DNASE1: variants seen among roughly 807,000 people sequenced by gnomAD.
The protein encoded by DNASE1 is deoxyribonuclease 1.
Under a neutral mutation model 33.9 loss-of-function variants are expected in DNASE1, and 40 were observed. The ratio of observed to expected loss-of-function variants is 1.18; its 90% CI spans 0.92 to 1.54. The LOEUF (loss-of-function observed/expected upper bound fraction) is 1.54. Among genes scored for constraint, DNASE1 ranks in the 40% most tolerant of loss-of-function variants. The pLI is 0.00. For missense variants in DNASE1, 518 were observed against 372.6 expected (o/e 1.39, Z -3.21); for synonymous variants, 216 against 160.0 (o/e 1.35, Z -2.64).
At chr16:3,638,338 T>A (rs1479646288), upstream of DNASE1, among the ~76,000 whole-genome samples, 1 of 152,146 alleles carries the variant, frequency 6.6e-6, no homozygotes, top group Non-Finnish European at 1.5e-5. Flanking sequence ...TTATTTTGTT[T>A]GGGTTTTTCT....
chr16:3,643,635 C>G (rs1240187982), intron 1 of DNASE1, among the ~76,000 whole-genome samples: 1 of 152,184 alleles, frequency 6.6e-6, no homozygotes, highest in African/African-American at 2.4e-5. Context: ...TTGAAGGCAA[C>G]CAGGTACACT....
upstream of DNASE1, chr16:3,653,826 A>AAAAAAAAAAAAAAAAAAAAAC (rs2042428667): frequency 2.8e-5 from 4 of 145,008 alleles, no homozygotes; most frequent in African/African-American, 7.9e-5. Context: ...AAAAAAAAAA[A>AAAAAAAAAAAAAAAAAAAAAC]AAAAAAAAAA....
exon 1 of DNASE1, chr16:3,611,795 T>C (rs1015488187): frequency 2.0e-5 from 3 of 152,090 alleles, no homozygotes; most frequent in African/African-American, 7.2e-5. Flanking sequence ...GTGGAGTCTG[T>C]TAGTTTTTGA....
chr16:3,656,978 A>T (rs1366332149), intron 5 of DNASE1, 21 bp from the exon 6 acceptor site: 1 of 1,611,374 alleles, frequency 6.2e-7, no homozygotes, highest in South Asian at 1.1e-5. Context: ...TGTGCCTCAC[A>T]CGACGTGGCT....
chr16:3,634,257 T>C (rs1348254768), intron 1 of DNASE1, among the ~76,000 whole-genome samples: 1 of 146,168 alleles, frequency 6.8e-6, no homozygotes, highest in East Asian at 2.1e-4. Context: ...GAGACAGAGT[T>C]TCGCTCTGTC....
At chr16:3,659,748 TTTAGATAGATAG>T (rs1567217519), downstream of DNASE1, 2 of 111,290 alleles carry the variant, frequency 1.8e-5, no homozygotes, top group African/African-American at 1.1e-4. Flanking sequence ...CACTTTTTTT[TTTAGATAGATAG>T]ATAGATAGAT....
upstream of DNASE1, among the ~76,000 whole-genome samples, chr16:3,639,266 T>C (rs148763260): frequency 1.3e-5 from 2 of 152,360 alleles, no homozygotes; most frequent in Non-Finnish European, 2.9e-5. Flanking sequence ...CTTGGTTCTT[T>C]GTGCTTTGCT....
intron 1 of DNASE1, among the ~76,000 whole-genome samples, chr16:3,637,575 C>G (rs1018573646): frequency 6.6e-6 from 1 of 152,178 alleles, no homozygotes; most frequent in African/African-American, 2.4e-5. Flanking sequence ...GTTGGGTCAA[C>G]CTTTCCCTTA....
chr16:3,648,103 A>G (rs998702835), intron 1 of DNASE1, among the ~76,000 whole-genome samples: 1 of 152,092 alleles, frequency 6.6e-6, no homozygotes, highest in Non-Finnish European at 1.5e-5. Context: ...GGGAGGCCGG[A>G]GGTTGCAGTG....
chr16:3,663,687 TG>T, exon 10 of DNASE1: 1 of 1,265,232 alleles, frequency 7.9e-7, no homozygotes. Flanking sequence ...CCGGGGCAGT[TG>T]GGGTTCCTAG....
Position 3,658,027 on chromosome 16 carries a change from C to CAA in DNASE1, c.*75_*76dup. On this transcript the variant is annotated 3_prime_UTR_variant, in exon 9 of 9. Transcript: ENST00000246949. The stretch of plus-strand genomic sequence containing the variant: ...TGCCACAGGACCCAGAAAAAAAGCC[C>CAA]AACACACACTCGGGTTAAGAAATAC... The CAA allele has an allele frequency of 6.2e-7, 1 of 1,610,036 alleles. No homozygotes were observed. The highest frequency in any genetic ancestry group is 8.5e-7 in the Non-Finnish European group (1 of 1,177,684).
At chr16:3,646,821 T>TG (rs2042185612) in intron 1 of DNASE1, among the ~76,000 whole-genome samples, 1 of 151,974 alleles carries the variant, frequency 6.6e-6, no homozygotes, top group Admixed American at 6.6e-5. Context: ...CTGGAGGACG[T>TG]GCAGGCTCAG....
chr16:3,619,802 C>T (rs542959398), intron 1 of DNASE1, among the ~76,000 whole-genome samples: 4 of 152,284 alleles, frequency 2.6e-5, no homozygotes, highest in Non-Finnish European at 5.9e-5. Flanking sequence ...TGAGCCACCA[C>T]GCCTGGCCCT....
chr16:3,664,168 G>T, exon 10 of DNASE1: 1 of 1,259,940 alleles, frequency 7.9e-7, no homozygotes, highest in Non-Finnish European at 1.1e-6. Flanking sequence ...CCACTGTGCA[G>T]CCCTGCCCGG....
In DNASE1 at chr16:3,657,215, C is replaced by G. The variant is rs143371936; in HGVS notation, c.578C>G (p.Ala193Gly). 4 of 1,614,060 alleles carry G rather than the reference C, an allele frequency of 2.5e-6. No individual in the cohort carries two copies. The change falls in exon 7 of 9, where the codon GCG becomes GGG. Residue 193 changes from alanine (A) to glycine (G), a missense_variant. Ala to Gly is a moderately conservative substitution (Grantham distance 60). Coordinates refer to ENST00000246949, the MANE Select transcript of DNASE1 (RefSeq NM_005223.4). ...GTCATGTTGATGGGCGACTTCAATG[C>G]GGGCTGCAGCTATGTGAGACCCTCC... ...EDVMLMGDFN[A>G]GCSYVRPSQW...
At chr16:3,632,939 G>A (rs953080406) in intron 1 of DNASE1, among the ~76,000 whole-genome samples, 2 of 152,006 alleles carry the variant, frequency 1.3e-5, no homozygotes, top group Non-Finnish European at 2.9e-5. Context: ...TGAGTTTCCT[G>A]GGTCTTCTTT....
downstream of DNASE1, chr16:3,661,878 C>T (rs560086287): frequency 1.0e-5 from 14 of 1,379,108 alleles, no homozygotes; most frequent in Middle Eastern, 1.9e-4. Flanking sequence ...CCCACATGTC[C>T]ACAGGCCTCA....
chr16:3,660,676 GA>G (rs2151235926), downstream of DNASE1: 1 of 152,336 alleles, frequency 6.6e-6, no homozygotes, highest in South Asian at 2.1e-4. Flanking sequence ...CCATGGCTAG[GA>G]AGATGCATCT....
intron 1 of DNASE1, among the ~76,000 whole-genome samples, chr16:3,632,083 C>G (rs973906987): frequency 3.3e-5 from 5 of 152,166 alleles, no homozygotes; most frequent in African/African-American, 1.2e-4. Context: ...AACATAAACT[C>G]ATAATTGTTT....
Sources: allele counts gnomAD v4.1 joint callset (sites outside exome capture counted in the v4.1 genomes callset), GRCh38; gene constraint gnomAD v4.1.1; transcripts MANE v1.5; gene names NCBI Gene and HGNC (gene_info 2026-07-23, HGNC 2026-07-21).